PBX1: variants seen among roughly 807,000 people sequenced by gnomAD.
PBX1 encodes PBX homeobox 1, also known as pre-B-cell leukemia transcription factor 1.
Under a neutral mutation model 53.4 loss-of-function variants are expected in PBX1, and 6 were observed. That is an observed-to-expected ratio of 0.11 (90% confidence interval 0.06 to 0.22). PBX1 has a LOEUF of 0.22. PBX1 is among the 10% of genes least tolerant of loss of function. The probability of loss-of-function intolerance (pLI) is 1.00; values close to 1 mark genes in which losing one functional copy is unlikely to be tolerated. For missense variants in PBX1, 251 were observed against 551.4 expected (o/e 0.46, Z 5.46); for synonymous variants, 204 against 212.3 (o/e 0.96, Z 0.34).
At chr1:164,782,808 C>G (rs1231598701) in intron 2 of PBX1, among the ~76,000 whole-genome samples, 1 of 152,118 alleles carries the variant, frequency 6.6e-6, no homozygotes, top group African/African-American at 2.4e-5. Flanking sequence ...GTGTGCACAG[C>G]CCAGGCAAGT....
chr1:164,567,546 G>T lies in PBX1; in HGVS notation c.265+4235G>T, dbSNP rs115362970. 4.7e-3 allele frequency among the ~76,000 whole-genome samples: 721 copies of T among 152,134 alleles called. 10 individuals carry two copies. Among genetic ancestry groups the T allele is most frequent in the African/African-American group, 0.016 (677 of 41,486 alleles). ...TGATGCTATCTTTCAGGTACAGTGT[G>T]TTAAGGCAGAAGTAATGTGGTTAGA... is the stretch of plus-strand genomic sequence containing the variant. On this transcript the variant is annotated intron_variant, in intron 2 of 8. Transcript: ENST00000420696.
At chr1:164,664,727 A>C (rs1160709809) in intron 2 of PBX1, among the ~76,000 whole-genome samples, 1 of 152,206 alleles carries the variant, frequency 6.6e-6, no homozygotes, top group Non-Finnish European at 1.5e-5. Flanking sequence ...CCTCACAATC[A>C]TGGCGGAAGG....
intron 2 of PBX1, among the ~76,000 whole-genome samples, chr1:164,751,158 A>G (rs2102194407): frequency 6.6e-6 from 1 of 152,036 alleles, no homozygotes; most frequent in Non-Finnish European, 1.5e-5. Flanking sequence ...TCTACTAAAA[A>G]TACAAAATTA....
At chr1:164,842,040 TCTGCATCAACCGTGTG>T (rs1445797710) in intron 8 of PBX1, among the ~76,000 whole-genome samples, 2 of 152,190 alleles carry the variant, frequency 1.3e-5, no homozygotes, top group East Asian at 1.9e-4. Context: ...TGATGAATTC[TCTGCATCAACCGTGTG>T]CTGCTAAGGT....
chr1:164,843,883 G>A (rs1361743117), intron 8 of PBX1, among the ~76,000 whole-genome samples: 8 of 152,024 alleles, frequency 5.3e-5, no homozygotes, highest in African/African-American at 1.9e-4. Context: ...AAACACCACA[G>A]AACTAATTTT....
At chr1:164,636,075 T>G (rs1658757791) in intron 2 of PBX1, among the ~76,000 whole-genome samples, 1 of 152,182 alleles carries the variant, frequency 6.6e-6, no homozygotes, top group Non-Finnish European at 1.5e-5. Context: ...TAAATGGGCC[T>G]TGACAAATCT....
intron 2 of PBX1, among the ~76,000 whole-genome samples, chr1:164,673,628 G>T (rs1418433201): frequency 6.6e-6 from 1 of 151,958 alleles, no homozygotes; most frequent in African/African-American, 2.4e-5. Context: ...GAGCCACCGC[G>T]CCTGGCGAAA....
intron 2 of PBX1, among the ~76,000 whole-genome samples, chr1:164,625,403 A>G (rs73018922): frequency 0.018 from 2,694 of 152,282 alleles, 78 homozygotes; most frequent in African/African-American, 0.061. Flanking sequence ...GAAATACACC[A>G]TGTTACCATT....
At chr1:164,786,710 T>TGC (rs1668199991) in intron 2 of PBX1, among the ~76,000 whole-genome samples, 3 of 142,960 alleles carry the variant, frequency 2.1e-5, no homozygotes, top group African/African-American at 8.5e-5. Flanking sequence ...TGTGTGTGTG[T>TGC]GTGTGTGTGT....
chr1:164,850,000 G>A lies in PBX1; in HGVS notation c.*3324G>A, dbSNP rs1372182793. On this transcript the variant is annotated 3_prime_UTR_variant, in exon 9 of 9. Transcript: ENST00000420696. Reference sequence around the variant, plus strand: ...GTGTCTCGTTCTTTGTAGTATTGATGATGAACATTTGATAATGAATGTTCT... The same window carrying A: ...GTGTCTCGTTCTTTGTAGTATTGATAATGAACATTTGATAATGAATGTTCT... The A allele has an allele frequency of 7.1e-5, 16 of 226,854 alleles. No homozygotes were observed. Among genetic ancestry groups the A allele is most frequent in the African/African-American group, 3.6e-4 (16 of 44,994 alleles). The allele number at this position is 226,854 out of a possible 1,614,324, so 14.1% of individuals were successfully genotyped here.
At chr1:164,720,832 G>A (rs1001452625) in intron 2 of PBX1, among the ~76,000 whole-genome samples, 2 of 152,168 alleles carry the variant, frequency 1.3e-5, no homozygotes, top group African/African-American at 4.8e-5. Context: ...TGCTTGTTTA[G>A]CCTTATGACC....
At chr1:164,652,763 T>C (rs1659907792) in intron 2 of PBX1, among the ~76,000 whole-genome samples, 1 of 152,152 alleles carries the variant, frequency 6.6e-6, no homozygotes, top group Admixed American at 6.6e-5. Context: ...CAAGTAAATA[T>C]ACTCATGTAA....
chr1:164,569,691 C>A (rs1021560919), intron 2 of PBX1, among the ~76,000 whole-genome samples: 12 of 151,000 alleles, frequency 7.9e-5, no homozygotes, highest in African/African-American at 2.9e-4. Flanking sequence ...CTGCCTCAGC[C>A]TCCTGAGTAG....
At chr1:164,743,372 G>T (rs1032476594) in intron 2 of PBX1, among the ~76,000 whole-genome samples, 1 of 151,970 alleles carries the variant, frequency 6.6e-6, no homozygotes, top group Non-Finnish European at 1.5e-5. Context: ...CAGGACTCAA[G>T]GATATAATAC....
chr1:164,799,770 A>G lies in PBX1; in HGVS notation c.582A>G (p.Pro194=), dbSNP rs759313222. The G allele has an allele frequency of 1.2e-6, 2 of 1,614,046 alleles. No homozygotes were observed. Among genetic ancestry groups the G allele is most frequent in the Non-Finnish European group, 1.7e-6 (2 of 1,179,966 alleles). Residue 194 remains proline, a synonymous_variant, in exon 4 of 9, where the codon CCA becomes CCG. Coordinates refer to ENST00000420696, the MANE Select transcript of PBX1 (RefSeq NM_002585.4). ...AAAGCCGGACCAGGCCCATCTCCCC[A>G]AAGGAGATTGAGCGGATGGTCAGCA... ...REQSRTRPIS[P]KEIERMVSII... is the part of the protein sequence containing the mutation.
At chr1:164,774,963 C>T (rs1221632493) in intron 2 of PBX1, among the ~76,000 whole-genome samples, 5 of 152,148 alleles carry the variant, frequency 3.3e-5, no homozygotes, top group Admixed American at 6.5e-5. Flanking sequence ...GAGGCCTGTT[C>T]TGTTAGATAA....
chr1:164,644,207 A>G (rs1442418046), intron 2 of PBX1, among the ~76,000 whole-genome samples: 2 of 152,028 alleles, frequency 1.3e-5, no homozygotes, highest in Non-Finnish European at 2.9e-5. Flanking sequence ...GCCGTGGGGG[A>G]TTTTACTTGT....
At chr1:164,752,430 G>A (rs1666284273) in intron 2 of PBX1, among the ~76,000 whole-genome samples, 1 of 152,088 alleles carries the variant, frequency 6.6e-6, no homozygotes, top group Admixed American at 6.6e-5. Context: ...CAAGATCTGA[G>A]AAGGAAGACA....
At chr1:164,751,575 GCC>G (rs770128250) in intron 2 of PBX1, among the ~76,000 whole-genome samples, 2 of 135,270 alleles carry the variant, frequency 1.5e-5, no homozygotes, top group South Asian at 2.5e-4. Flanking sequence ...TGGGTTTATT[GCC>G]CCCCTTTTTT....
Sources: allele counts gnomAD v4.1 joint callset (sites outside exome capture counted in the v4.1 genomes callset), GRCh38; gene constraint gnomAD v4.1.1; transcripts MANE v1.5; gene names NCBI Gene and HGNC (gene_info 2026-07-23, HGNC 2026-07-21).